RFC2: variants seen among roughly 807,000 people sequenced by gnomAD.
RFC2 encodes replication factor C subunit 2.
A neutral mutation model predicts 44.8 loss-of-function variants in RFC2; 34 were observed. That is an observed-to-expected ratio of 0.76 (90% CI 0.58 to 1.01). The LOEUF is 1.01. RFC2 is among the 50% of genes least tolerant of loss of function. The pLI, the probability that RFC2 is intolerant of heterozygous loss-of-function variation, is 0.00. For missense variants in RFC2, 400 were observed against 453.6 expected, an observed-to-expected ratio of 0.88 and a Z score of 1.07; for synonymous variants, 177 against 168.9, an observed-to-expected ratio of 1.05 and a Z score of -0.37.
In RFC2 at chr7:74,249,003, A is replaced by G. The variant is rs782584085; in HGVS notation, c.332+9T>C. ...CCCGCCCCCCTACAGGTCTGACTCT[A>G]AGACCTACCTGTCATTTGAAGCATT... On this transcript the variant is annotated intron_variant, in intron 4 of 10. Coordinates refer to ENST00000055077, the MANE Select transcript of RFC2 (RefSeq NM_181471.3). 6.3e-7 allele frequency: 1 copy of G among 1,598,166 alleles called. No individual in the cohort carries two copies. The highest frequency in any genetic ancestry group is 8.6e-7 in the Non-Finnish European group (1 of 1,166,032).
intron 10 of RFC2, among the ~76,000 whole-genome samples, 185 bp from the exon 11 acceptor site, chr7:74,232,401 A>G (rs1437140621): frequency 6.6e-6 from 1 of 152,134 alleles, no homozygotes; most frequent in Non-Finnish European, 1.5e-5. Context: ...ATGTTTACCT[A>G]AAGTTCTATT....
chr7:74,239,715 G>GTGATC (rs1352901204), intron 7 of RFC2, among the ~76,000 whole-genome samples: 2 of 152,148 alleles, frequency 1.3e-5, no homozygotes, highest in Non-Finnish European at 2.9e-5. Context: ...CTGACCTCAG[G>GTGATC]TGATCCTCCT....
rs532535426 is a variant in RFC2, at chr7:74,239,352, G to A, written c.694-364C>T. On this transcript the variant is annotated intron_variant, in intron 7 of 10. Coordinates refer to ENST00000055077, the MANE Select transcript of RFC2 (RefSeq NM_181471.3). ...CACCATGCCCAGCTTTTTTTTTTGA[G>A]ACAGAGTCTCGCTCTGTCGCCCAGG... 8.0e-5 allele frequency among the ~76,000 whole-genome samples: 12 copies of A among 149,118 alleles called. No homozygotes were observed. In the South Asian group the frequency reaches 2.5e-3, roughly 32 times the overall value.
intron 4 of RFC2, 139 bp from the exon 5 acceptor site, chr7:74,246,902 T>C: frequency 2.0e-6 from 1 of 507,752 alleles, no homozygotes; most frequent in Non-Finnish European, 3.5e-6. Context: ...CAATTGTAAC[T>C]ATTTATAAGG....
At chr7:74,240,432 T>C (rs1017166120) in intron 6 of RFC2, among the ~76,000 whole-genome samples, 3 of 148,898 alleles carry the variant, frequency 2.0e-5, no homozygotes, top group Non-Finnish European at 3.0e-5. Context: ...AGCACGAGAG[T>C]TGGAGGCTGA....
intron 10 of RFC2, 148 bp downstream of exon 10, chr7:74,235,384 G>A (rs539786365): frequency 2.7e-5 from 17 of 635,204 alleles, no homozygotes; most frequent in Admixed American, 4.3e-5. Flanking sequence ...CTTTCACTAC[G>A]TTGGCCAGGC....
intron 1 of RFC2, among the ~76,000 whole-genome samples, chr7:74,252,813 T>C (rs1421077122): frequency 2.0e-5 from 3 of 152,092 alleles, no homozygotes; most frequent in Non-Finnish European, 4.4e-5. Flanking sequence ...TGTGCGTCTG[T>C]AATCCCAGCT....
In RFC2 at chr7:74,232,030, T is replaced by A; in HGVS notation, c.*76A>T. ...ATGTTGGCTCCAGCCTAAGGCGGCATTTTCCCCCATCAGAAAGCCGCGGCT... is the reference window on the plus strand; with the variant it reads ...ATGTTGGCTCCAGCCTAAGGCGGCAATTTCCCCCATCAGAAAGCCGCGGCT... On this transcript the variant is annotated 3_prime_UTR_variant, in exon 11 of 11. Coordinates refer to ENST00000055077, the MANE Select transcript of RFC2 (RefSeq NM_181471.3). 1 of 881,680 alleles carries A rather than the reference T, an allele frequency of 1.1e-6. No homozygotes were observed. Among genetic ancestry groups the A allele is most frequent in the Non-Finnish European group, 1.9e-6 (1 of 532,606 alleles). The allele number at this position is 881,680 out of a possible 1,614,324, so 54.6% of individuals were successfully genotyped here.
In RFC2 at chr7:74,232,133, C is replaced by T. The variant is rs782022750; in HGVS notation, c.1038G>A (p.Gln346=). 28 of 1,612,276 alleles carry T rather than the reference C, an allele frequency of 1.7e-5. 1 individual carries two copies. In the Admixed American group the frequency reaches 4.5e-4, roughly 26 times the overall value. ...AACTGGCCACCGGGGCCATTGTCTTCTGACACAGCCTTGCCAGGAGGCCTG... is the reference window on the plus strand; with the variant it reads ...AACTGGCCACCGGGGCCATTGTCTTTTGACACAGCCTTGCCAGGAGGCCTG... ...QMAGLLARLC[Q]KTMAPVAS is the part of the protein sequence containing the mutation. Residue 346 remains glutamine, a synonymous_variant, in exon 11 of 11, where the codon CAG becomes CAA. Coordinates refer to ENST00000055077, the MANE Select transcript of RFC2 (RefSeq NM_181471.3).
In RFC2 at chr7:74,239,983, G is replaced by A. The variant is rs782513596; in HGVS notation, c.648C>T (p.Asp216=). The change falls in exon 7 of 11, where the codon GAC becomes GAT. Residue 216 remains aspartate, a synonymous_variant. Transcript: ENST00000055077. ...IEKERVPYTD[D]GLEAIIFTAQ... ...CCGTGAAGATGATGGCTTCTAGGCCGTCATCAGTGTAGGGTACCCTCTCCT... is the reference window on the plus strand; with the variant it reads ...CCGTGAAGATGATGGCTTCTAGGCCATCATCAGTGTAGGGTACCCTCTCCT... 9 of 1,612,836 alleles carry A rather than the reference G, an allele frequency of 5.6e-6. No homozygotes were observed. Among genetic ancestry groups the A allele is most frequent in the Admixed American group, 1.7e-5 (1 of 59,764 alleles).
chr7:74,246,740 T>G lies in RFC2; in HGVS notation c.356A>C (p.Lys119Thr), dbSNP rs148234405. 1.2e-6 allele frequency: 2 copies of G among 1,612,534 alleles called. No homozygotes were observed. Among genetic ancestry groups the G allele is most frequent in the Non-Finnish European group, 1.7e-6 (2 of 1,179,002 alleles). The part of the protein sequence containing the change: ...NDRGIDVVRN[K>T]IKMFAQQKVT... ...TTTTTGTTGAGCAAACATTTTAATT[T>G]TATTCCTCACAACGTCAATGCCCCT... The change falls in exon 5 of 11, where the codon AAA (lysine) becomes ACA (threonine). Residue 119 changes from lysine to threonine, a missense_variant. Lys to Thr is a moderately conservative substitution (Grantham distance 78). Transcript: ENST00000055077.
intron 4 of RFC2, among the ~76,000 whole-genome samples, chr7:74,248,665 C>G (rs180860046): frequency 2.1e-3 from 315 of 152,082 alleles, no homozygotes; most frequent in African/African-American, 7.2e-3. Flanking sequence ...CCACGCCCAG[C>G]TAAGTTTTGT....
rs1554718788 is a variant in RFC2 at position 74,238,936 on chromosome 7, T to C, written c.746A>G (p.Glu249Gly). The change falls in exon 8 of 11, where the codon GAG (glutamate) becomes GGG (glycine). Residue 249 changes from glutamate (E) to glycine (G), a missense_variant. Glu to Gly is a moderately conservative substitution (Grantham distance 98). Transcript: ENST00000055077. The surrounding 1 kb of genome is among the most constrained non-coding windows in gnomAD (Gnocchi z 4.0). ...TAGCGCTTGTACCTTGAACACGTTC[T>C]CACTGTTAATGAAGCCAAATCCTGA... ...TFSGFGFINS[E>G]NVFKVCDEPH... 43 of 1,613,928 alleles carry C rather than the reference T, an allele frequency of 2.7e-5. No individual in the cohort carries two copies. The highest frequency in any genetic ancestry group is 3.6e-5 in the Non-Finnish European group (42 of 1,179,812).
At chr7:74,242,273 C>T (rs1803375178) in intron 6 of RFC2, among the ~76,000 whole-genome samples, 1 of 152,156 alleles carries the variant, frequency 6.6e-6, no homozygotes. Flanking sequence ...CTTGTGCCTC[C>T]AAGAGTGCAA....
intron 10 of RFC2, among the ~76,000 whole-genome samples, chr7:74,233,056 T>C (rs1802814125): frequency 6.9e-6 from 1 of 144,832 alleles, no homozygotes; most frequent in Non-Finnish European, 1.5e-5. Context: ...AAAAAGAAAA[T>C]AAAAATGACC....
intron 1 of RFC2, chr7:74,253,789 G>C (rs1787114186): frequency 6.2e-6 from 1 of 161,888 alleles, no homozygotes; most frequent in Non-Finnish European, 1.4e-5. Context: ...GCTGAGGCAG[G>C]GGGATCACTT....
intron 2 of RFC2, 83 bp from the exon 3 acceptor site, chr7:74,249,863 G>A (rs1554720778): frequency 1.6e-6 from 2 of 1,275,602 alleles, no homozygotes; most frequent in Non-Finnish European, 2.3e-6. Context: ...GAACAAACAA[G>A]CAGGTTAAAA....
At position 74,248,948 on chromosome 7, in the gene RFC2, T is replaced by G. The variant is rs1584263322; in HGVS notation, c.332+64A>C. The G allele has an allele frequency of 2.5e-5, 29 of 1,143,544 alleles. 1 individual carries two copies. In the East Asian group the frequency reaches 6.8e-4, roughly 27 times the overall value. 70.8% of individuals were successfully genotyped at this position (1,143,544 alleles called of 1,614,324 possible). On this transcript the variant is annotated intron_variant, in intron 4 of 10. Coordinates refer to ENST00000055077, the MANE Select transcript of RFC2 (RefSeq NM_181471.3). ...CATACAACCCAATGCTGAGAAAGGT[T>G]GTTTCTGTAACAATTCTCAATGCAG... is the stretch of plus-strand genomic sequence containing the variant.
chr7:74,244,223 A>G (rs1803482679), intron 5 of RFC2, among the ~76,000 whole-genome samples: 1 of 151,618 alleles, frequency 6.6e-6, no homozygotes. Flanking sequence ...AGCCAAGATC[A>G]TGCCACTGCA....
Sources: gnomAD v4.1 joint callset for allele counts (sites outside exome capture counted in the v4.1 genomes callset) on GRCh38, gnomAD v4.1.1 for gene constraint, Gnocchi (gnomAD v3.1) non-coding constraint, MANE v1.5 for transcripts, NCBI Gene and HGNC (gene_info 2026-07-23, HGNC 2026-07-21) for gene names.